KLHL5: variants seen among roughly 807,000 people sequenced by gnomAD.
KLHL5 encodes the protein kelch-like protein 5.
A neutral mutation model predicts 77.7 loss-of-function variants in KLHL5; 48 were observed. That is an observed-to-expected ratio of 0.62 (90% CI 0.49 to 0.79). KLHL5 has a LOEUF of 0.79. KLHL5 is among the 30% of genes least tolerant of loss of function. KLHL5 has a pLI of 0.00. For missense variants in KLHL5, 723 were observed against 859.7 expected (o/e 0.84, Z 1.99); for synonymous variants, 260 against 297.0 (o/e 0.88, Z 1.28).
upstream of KLHL5, among the ~76,000 whole-genome samples, chr4:39,058,853 T>C (rs903588695): frequency 2.0e-5 from 3 of 152,090 alleles, no homozygotes; most frequent in Admixed American, 2.0e-4. Flanking sequence ...ATTACAGTGA[T>C]AACCAAAACA....
Position 39,125,440 on chromosome 4 carries a change from C to G in KLHL5, c.*4374C>G, listed in dbSNP as rs896286216. Reference sequence around the variant, plus strand: ...CAGTAGCCAAAAAAGAGGAAACAACCCAAATGGCCATCAGCTGATGAATGA... The same window carrying G: ...CAGTAGCCAAAAAAGAGGAAACAACGCAAATGGCCATCAGCTGATGAATGA... On this transcript the variant is annotated 3_prime_UTR_variant, in exon 11 of 11. Coordinates refer to ENST00000504108, the MANE Select transcript of KLHL5 (RefSeq NM_015990.5). 3.9e-5 allele frequency among the ~76,000 whole-genome samples: 6 copies of G among 152,106 alleles called. No homozygotes were observed. Among genetic ancestry groups the G allele is most frequent in the African/African-American group, 1.4e-4 (6 of 41,394 alleles).
chr4:39,045,293 G>T (rs1716086191), intron 1 of KLHL5, among the ~76,000 whole-genome samples: 1 of 150,182 alleles, frequency 6.7e-6, no homozygotes, highest in Admixed American at 6.6e-5. Flanking sequence ...CGCACACCGC[G>T]CCCGGGGCTC....
downstream of KLHL5, among the ~76,000 whole-genome samples, chr4:39,127,192 C>A (rs532021897): frequency 6.6e-6 from 1 of 151,922 alleles, no homozygotes; most frequent in Admixed American, 6.6e-5. Context: ...CTAAAATTAG[C>A]CAGGAATAGT....
At chr4:39,116,012 G>A (rs1722806814) in intron 10 of KLHL5, 1 of 985,556 alleles carries the variant, frequency 1.0e-6, no homozygotes, top group African/African-American at 1.7e-5. Context: ...TTGTATACAA[G>A]GAGCCATGAT....
intron 7 of KLHL5, among the ~76,000 whole-genome samples, chr4:39,104,308 C>T (rs1721858159): frequency 6.6e-6 from 1 of 152,092 alleles, no homozygotes. Context: ...ACACAGTAAA[C>T]TTGTAAAACA....
intron 7 of KLHL5, among the ~76,000 whole-genome samples, chr4:39,105,150 ATT>A (rs5857651): frequency 1.4e-5 from 2 of 147,120 alleles, no homozygotes; most frequent in African/African-American, 2.5e-5. Flanking sequence ...GTTCTGCTAA[ATT>A]TTTTTTTTTT....
At chr4:39,052,762 C>T (rs747663253) in intron 1 of KLHL5, among the ~76,000 whole-genome samples, 2 of 152,124 alleles carry the variant, frequency 1.3e-5, no homozygotes, top group African/African-American at 2.4e-5. Flanking sequence ...GTCCGTGCTC[C>T]GCAGGAGTTT....
At chr4:39,095,259 C>A (rs1389547624) in intron 5 of KLHL5, among the ~76,000 whole-genome samples, 5 of 152,040 alleles carry the variant, frequency 3.3e-5, no homozygotes, top group African/African-American at 9.7e-5. Flanking sequence ...AATGTGATAT[C>A]ATTAACAAAA....
the KLHL5 span, among the ~76,000 whole-genome samples, chr4:39,137,589 C>T: frequency 1.3e-5 from 2 of 152,200 alleles, no homozygotes; most frequent in Admixed American, 1.3e-4. Context: ...TGCTGCACCC[C>T]AGCCTGGGTG....
At chr4:39,131,657 C>G (rs1297927933), downstream of KLHL5, among the ~76,000 whole-genome samples, 1 of 151,938 alleles carries the variant, frequency 6.6e-6, no homozygotes, top group African/African-American at 2.4e-5. Flanking sequence ...TTGGGAGGCC[C>G]AGGCAGGATT....
Position 39,074,847 on chromosome 4 carries a change from G to A in KLHL5, c.384-1118G>A, listed in dbSNP as rs149565344. ...TAAAAGAAGATCTGATGAGAAATGAGAACTAAGTTATGGCACAGTCACTGG... is the reference window on the plus strand; with the variant it reads ...TAAAAGAAGATCTGATGAGAAATGAAAACTAAGTTATGGCACAGTCACTGG... On this transcript the variant is annotated intron_variant, in intron 1 of 10. Coordinates refer to ENST00000504108, the MANE Select transcript of KLHL5 (RefSeq NM_015990.5). Among the ~76,000 whole-genome samples, 247 of 152,186 alleles carry A rather than the reference G, an allele frequency of 1.6e-3. 1 individual carries two copies. In the Middle Eastern group the frequency reaches 0.02, roughly 13 times the overall value.
At chr4:39,113,284 T>A in intron 9 of KLHL5, 52 bp downstream of exon 9, 6 of 1,392,122 alleles carry the variant, frequency 4.3e-6, no homozygotes, top group Middle Eastern at 2.0e-4. Flanking sequence ...TATAAGTCTC[T>A]GATACTTACA....
At chr4:39,065,603 G>A (rs375438079) in intron 1 of KLHL5, among the ~76,000 whole-genome samples, 125 of 151,806 alleles carry the variant, frequency 8.2e-4, no homozygotes, top group African/African-American at 2.9e-3. Flanking sequence ...ATCCGCCCAC[G>A]TCCGCCTCCC....
In KLHL5 at chr4:39,103,360, G is replaced by C. The variant is rs1721764074; in HGVS notation, c.1374G>C (p.Arg458Ser). 1.2e-6 allele frequency: 2 copies of C among 1,613,986 alleles called. No homozygotes were observed. Among genetic ancestry groups the C allele is most frequent in the Non-Finnish European group, 1.7e-6 (2 of 1,180,020 alleles). The change falls in exon 7 of 11, where the codon AGG (arginine) becomes AGC (serine). Residue 458 changes from arginine (R) to serine (S), a missense_variant. By Grantham distance (110) the Arg-to-Ser change is moderately radical. This residue lies in a region of KLHL5 where 288 missense variants were observed against 400.3 expected (regional missense o/e 0.72). Transcript: ENST00000504108. ...CAGTAGCAAATATGAATGGGAGGAG[G>C]CTACAGTTCGGTGTTGCAGTGCTAG... ...WTPVANMNGRRLQFGVAVLDD... is the reference protein window; with the variant it reads ...WTPVANMNGRSLQFGVAVLDD...
the KLHL5 span, among the ~76,000 whole-genome samples, chr4:39,139,013 G>A: frequency 6.6e-6 from 1 of 152,156 alleles, no homozygotes; most frequent in African/African-American, 2.4e-5. Flanking sequence ...TGGGCGTGGT[G>A]GCTCACGCCT....
At chr4:39,080,924 G>A (rs2566144) in intron 2 of KLHL5, among the ~76,000 whole-genome samples, 179 bp from the exon 3 acceptor site, 34,533 of 151,964 alleles carry the variant, frequency 0.23, 4,102 homozygotes, top group East Asian at 0.33. Context: ...AGAAAATTTG[G>A]TAATGGTAAT....
In KLHL5 at chr4:39,081,329, G is replaced by A; in HGVS notation, c.703+90G>A. Reference sequence around the variant, plus strand: ...TTCTGTTTTTAGAAAGCATGCCATAGCTAACAGTTAGTTCTGCTATTGTCA... The same window carrying A: ...TTCTGTTTTTAGAAAGCATGCCATAACTAACAGTTAGTTCTGCTATTGTCA... On this transcript the variant is annotated intron_variant, in intron 3 of 10. Transcript: ENST00000504108. This position sits in a 1 kb window ranked among gnomAD's most constrained non-coding sequence, Gnocchi z 4.3. 8.9e-7 allele frequency: 1 copy of A among 1,126,934 alleles called. No homozygotes were observed. The highest frequency in any genetic ancestry group is 1.2e-6 in the Non-Finnish European group (1 of 807,922). 69.8% of individuals were successfully genotyped at this position (1,126,934 alleles called of 1,614,324 possible).
chr4:39,071,941 AAGC>A (rs1259447080), intron 1 of KLHL5, among the ~76,000 whole-genome samples: 1 of 152,232 alleles, frequency 6.6e-6, no homozygotes, highest in Non-Finnish European at 1.5e-5. Flanking sequence ...AAGCAAAACT[AAGC>A]AGAGATGTTA....
chr4:39,065,776 T>TAA (rs35229248), intron 1 of KLHL5, among the ~76,000 whole-genome samples: 110,358 of 151,906 alleles, frequency 0.73, 40,247 homozygotes, highest in East Asian at 0.82. Context: ...CTTAAAATGT[T>TAA]AGACATAATG....
Sources: gnomAD v4.1 joint callset for allele counts (sites outside exome capture counted in the v4.1 genomes callset) on GRCh38, gnomAD v4.1.1 for gene constraint, gnomAD v4.1.1 regional missense constraint, Gnocchi (gnomAD v3.1) non-coding constraint, MANE v1.5 for transcripts, NCBI Gene and HGNC (gene_info 2026-07-23, HGNC 2026-07-21) for gene names.